The following HMCN2 variants were observed in gnomAD, a reference collection of about 807,000 sequenced individuals.
The protein encoded by HMCN2 is hemicentin 2, also known as hemicentin-2.
Under a neutral mutation model 377.5 loss-of-function variants are expected in HMCN2, and 325 were observed. The observed-to-expected ratio is 0.86, with a 90% CI of 0.79 to 0.94. HMCN2 has a LOEUF of 0.94. Ranked by LOEUF, HMCN2 falls within the 40% of genes least tolerant of loss-of-function variation. HMCN2 has a pLI of 0.00. For synonymous variants in HMCN2, 2,007 were observed against 2,046.8 expected (o/e 0.98, Z 0.53); for missense variants, 4,543 against 4,725.3 (o/e 0.96, Z 1.13).
intron 49 of HMCN2, 111 bp from the exon 50 acceptor site, chr9:130,375,452 T>C (rs749712083): frequency 3.7e-6 from 2 of 534,828 alleles, no homozygotes; most frequent in Admixed American, 1.3e-4. Flanking sequence ...ATCTCTGTAA[T>C]GTAACTGACA....
At chr9:130,403,076 T>C (rs1298376496) in intron 78 of HMCN2, 118 bp from the exon 79 acceptor site, 5 of 1,100,406 alleles carry the variant, frequency 4.5e-6, no homozygotes, top group Non-Finnish European at 5.9e-6. Context: ...CTGTGGCCGA[T>C]GTTTCTAGAA....
Position 130,429,570 on chromosome 9 carries a change from C to G in HMCN2, c.14211C>G (p.Cys4737Trp). 1.3e-6 allele frequency: 2 copies of G among 1,550,476 alleles called. No homozygotes were observed. Among genetic ancestry groups the G allele is most frequent in the Non-Finnish European group, 1.7e-6 (2 of 1,146,884 alleles). ...DGAGCEDVDE[C>W]LEGLDDCHYN... is the part of the protein sequence containing the mutation. ...CCTGCCTCCCAGATGTGGACGAATG[C>G]CTGGAGGGGTTGGACGACTGTCACT... is the stretch of plus-strand genomic sequence containing the variant. Residue 4737 changes from cysteine (C) to tryptophan (W), a missense_variant, in exon 94 of 98, where the codon TGC (cysteine) becomes TGG (tryptophan). Around this residue, in one of 5 missense-constraint regions of HMCN2, gnomAD observed 1,155 missense variants for 1,157.7 expected, o/e 1.00. Coordinates refer to ENST00000683500, the MANE Select transcript of HMCN2 (RefSeq NM_001291815.2).
intron 59 of HMCN2, 22 bp from the exon 60 acceptor site, chr9:130,385,538 C>T (rs1324607689): frequency 1.5e-6 from 2 of 1,296,962 alleles, no homozygotes; most frequent in African/African-American, 3.0e-5. Context: ...CAGCACCTCA[C>T]TCTGCTATCT....
At chr9:130,353,583 A>G (rs1172265336) in intron 31 of HMCN2, among the ~76,000 whole-genome samples, 2 of 152,222 alleles carry the variant, frequency 1.3e-5, no homozygotes, top group African/African-American at 4.8e-5. Flanking sequence ...ACTTTGCAGC[A>G]TCAGCTCATT....
chr9:130,382,889 G>T (rs1404812124), intron 56 of HMCN2, 23 bp downstream of exon 56: 7 of 984,788 alleles, frequency 7.1e-6, no homozygotes, highest in Non-Finnish European at 8.4e-6. Flanking sequence ...CCCTGCACGG[G>T]CTAGGGGCAG....
chr9:130,367,525 T>C (rs750379969), intron 43 of HMCN2, among the ~76,000 whole-genome samples: 7 of 152,124 alleles, frequency 4.6e-5, no homozygotes, highest in Non-Finnish European at 4.4e-5. Context: ...GGGGTCTTCT[T>C]GATGCCAGGT....
At chr9:130,376,724 A>G in intron 52 of HMCN2, 66 bp downstream of exon 52, 1 of 962,506 alleles carries the variant, frequency 1.0e-6, no homozygotes, top group Non-Finnish European at 1.2e-6. Flanking sequence ...TCTGCTTGGA[A>G]CCTTCCAGAA....
At chr9:130,412,942 T>TTAATCTG (rs1843505756) in intron 85 of HMCN2, among the ~76,000 whole-genome samples, 1 of 152,162 alleles carries the variant, frequency 6.6e-6, no homozygotes, top group Non-Finnish European at 1.5e-5. Context: ...GAGTTAATCT[T>TTAATCTG]TGTGTGGGGT....
rs782281136 is a variant in HMCN2 at position 130,309,968 on chromosome 9, C to T, written c.2257C>T (p.Pro753Ser). The change falls in exon 15 of 98, where the codon CCG becomes TCG. Residue 753 changes from proline to serine, a missense_variant. This residue lies in a region of HMCN2 where 547 missense variants were observed against 189.9 expected (regional missense o/e 2.88). Coordinates refer to ENST00000683500, the MANE Select transcript of HMCN2 (RefSeq NM_001291815.2). ...EGSSSGKLRI[P>S]AAQERDAGTY... ...CTCCAGCTCTGGGAAGCTGCGGATC[C>T]CGGCGGCTCAGGAGAGGGATGCTGG... 1 of 530,548 alleles carries T rather than the reference C, an allele frequency of 1.9e-6. No individual in the cohort carries two copies. The highest frequency in any genetic ancestry group is 3.9e-6 in the Non-Finnish European group (1 of 258,302). The allele number at this position is 530,548 out of a possible 1,614,324, so 32.9% of individuals were successfully genotyped here.
chr9:130,366,154 C>T (rs1048927634), intron 43 of HMCN2, among the ~76,000 whole-genome samples, 159 bp downstream of exon 43: 4 of 152,200 alleles, frequency 2.6e-5, no homozygotes, highest in African/African-American at 9.6e-5. Context: ...GTGCTTCCCC[C>T]AGCTCCTCTC....
Position 130,369,502 on chromosome 9 carries a change from G to A in HMCN2, c.6788-68G>A, listed in dbSNP as rs1424906037. 47 of 910,436 alleles carry A rather than the reference G, an allele frequency of 5.2e-5. No individual in the cohort carries two copies. The highest frequency in any genetic ancestry group is 1.2e-4 in the East Asian group (1 of 8,474). 56.4% of individuals were successfully genotyped at this position (910,436 alleles called of 1,614,324 possible). ...GAGAGGGTGTGTCCCTATTGGGCCCGGGGTAAGTGTGTGGTGCCTGGTGGC... is the reference window on the plus strand; with the variant it reads ...GAGAGGGTGTGTCCCTATTGGGCCCAGGGTAAGTGTGTGGTGCCTGGTGGC... On this transcript the variant is annotated intron_variant, in intron 44 of 97. Coordinates refer to ENST00000683500, the MANE Select transcript of HMCN2 (RefSeq NM_001291815.2). The surrounding 1 kb of genome is among the most constrained non-coding windows in gnomAD (Gnocchi z 4.5).
In HMCN2 at chr9:130,304,772, C is replaced by T. The variant is rs1554935953; in HGVS notation, c.1586C>T (p.Ser529Phe). ...QLVPAPNVTV[S>F]PGETAVLSCR... is the part of the protein sequence containing the mutation. The stretch of plus-strand genomic sequence containing the variant: ...GTCCCTGCTCCCAACGTGACCGTGT[C>T]CCCAGGGGAGACTGCCGTCCTATCC... Residue 529 changes from serine (S) to phenylalanine (F), a missense_variant, in exon 11 of 98, where the codon TCC becomes TTC. Physicochemically the swap from Ser to Phe is radical, Grantham distance 155. This residue lies in a region of HMCN2 where 547 missense variants were observed against 189.9 expected (regional missense o/e 2.88). Coordinates refer to ENST00000683500, the MANE Select transcript of HMCN2 (RefSeq NM_001291815.2). The surrounding 1 kb of genome is among the most constrained non-coding windows in gnomAD (Gnocchi z 4.3). 2.1e-6 allele frequency: 1 copy of T among 471,218 alleles called. No homozygotes were observed. The highest frequency in any genetic ancestry group is 4.4e-6 in the Non-Finnish European group (1 of 227,052). The allele number at this position is 471,218 out of a possible 1,614,324, so 29.2% of individuals were successfully genotyped here.
intron 22 of HMCN2, among the ~76,000 whole-genome samples, chr9:130,332,008 G>A (rs1838457446): frequency 6.6e-6 from 1 of 152,186 alleles, no homozygotes; most frequent in Admixed American, 6.5e-5. Flanking sequence ...TCCTGGAAGG[G>A]GACCACTGGG....
chr9:130,334,786 CCT>C (rs1406892236), intron 22 of HMCN2, among the ~76,000 whole-genome samples: 12 of 130,690 alleles, frequency 9.2e-5, no homozygotes, highest in Admixed American at 1.6e-4. Flanking sequence ...TCTCCCTCTT[CCT>C]CTCTCTCTCT....
At chr9:130,338,588 G>A (rs1013536631) in intron 23 of HMCN2, 17 of 152,228 alleles carry the variant, frequency 1.1e-4, no homozygotes, top group Non-Finnish European at 2.2e-4. Flanking sequence ...AGGCCCCTAC[G>A]TACCCCACTG....
At chr9:130,429,501 G>T (rs1377423578) in intron 93 of HMCN2, 56 bp from the exon 94 acceptor site, 1 of 1,545,820 alleles carries the variant, frequency 6.5e-7, no homozygotes, top group Non-Finnish European at 8.7e-7. Flanking sequence ...TCCGTCCCTT[G>T]GGGGAGGGGC....
chr9:130,293,901 G>A (rs572677948), intron 4 of HMCN2, among the ~76,000 whole-genome samples: 1 of 152,178 alleles, frequency 6.6e-6, no homozygotes, highest in South Asian at 2.1e-4. Flanking sequence ...TCTTCAAGCA[G>A]CGAGCTGAAG....
rs149640207 is a variant in HMCN2, at chr9:130,364,879, C to T, written c.6398C>T (p.Ala2133Val). ...GGAGTCCACCTCTCCGCAGACAAAG[C>T]CTTGCTGCAGGTGTGCAGGCCCCTG... ...RPGVHLSADK[A>V]LLQVDRADVW... The change falls in exon 41 of 98, where the codon GCC becomes GTC. Residue 2133 changes from alanine to valine, a missense_variant. Transcript: ENST00000683500. 11,370 of 985,908 alleles carry T rather than the reference C, an allele frequency of 0.012. 68 individuals carry two copies. Among genetic ancestry groups the T allele is most frequent in the Non-Finnish European group, 0.012 (10,317 of 829,986 alleles). The allele number at this position is 985,908 out of a possible 1,614,324, so 61.1% of individuals were successfully genotyped here.
At chr9:130,406,760 T>C (rs1479043507) in intron 82 of HMCN2, 1 of 157,820 alleles carries the variant, frequency 6.3e-6, no homozygotes, top group Non-Finnish European at 1.4e-5. Flanking sequence ...TGGGCAGGTA[T>C]AATAGTTCAG....
Sources: allele counts gnomAD v4.1 joint callset (sites outside exome capture counted in the v4.1 genomes callset), GRCh38; gene constraint gnomAD v4.1.1; regional missense constraint gnomAD v4.1.1; non-coding constraint Gnocchi (gnomAD v3.1); transcripts MANE v1.5; gene names NCBI Gene and HGNC (gene_info 2026-07-23, HGNC 2026-07-21).